The following FANCI variants were observed in gnomAD, a reference collection of about 807,000 sequenced individuals.
FANCI encodes FA complementation group I, also known as Fanconi anemia group I protein.
FANCI carries 156 observed loss-of-function variants against 176.1 expected under a neutral mutation model. That is an observed-to-expected ratio of 0.89 (90% CI 0.78 to 1.01). The LOEUF (loss-of-function observed/expected upper bound fraction) is 1.01, where lower values mean the gene tolerates loss of function less well. FANCI is among the 50% of genes least tolerant of loss of function. FANCI has a pLI of 0.00. For synonymous variants in FANCI, 613 were observed against 541.7 expected (o/e 1.13, Z -1.83); for missense variants, 1,678 against 1,534.1 (o/e 1.09, Z -1.57).
In FANCI at chr15:89,307,342, G is replaced by A. The variant is rs1235256303; in HGVS notation, c.3538-134G>A. ...TTGGAGGAGAGGAATAAGGAAGCTTGTGTCTTGGCTTCTCTGTGAATTTTG... is the reference window on the plus strand; with the variant it reads ...TTGGAGGAGAGGAATAAGGAAGCTTATGTCTTGGCTTCTCTGTGAATTTTG... On this transcript the variant is annotated intron_variant, in intron 32 of 37. Transcript: ENST00000310775. 3 of 806,854 alleles carry A rather than the reference G, an allele frequency of 3.7e-6. No individual in the cohort carries two copies. The East Asian group carries it at 8.0e-5, about 22-fold the overall frequency. The allele number at this position is 806,854 out of a possible 1,614,324, so 50.0% of individuals were successfully genotyped here. A position where few individuals can be genotyped will look rare whatever the true frequency, so the allele number is the denominator to read the frequency against.
chr15:89,247,803 A>T, intron 2 of FANCI, 72 bp downstream of exon 2: 2 of 1,320,384 alleles, frequency 1.5e-6, no homozygotes, highest in Non-Finnish European at 2.2e-6. Flanking sequence ...GACATGTGAG[A>T]AAGAAAAATT....
At chr15:89,254,180 A>C (rs1209658633) in intron 2 of FANCI, among the ~76,000 whole-genome samples, 1 of 152,166 alleles carries the variant, frequency 6.6e-6, no homozygotes, top group Non-Finnish European at 1.5e-5. Flanking sequence ...CAACGTGGTC[A>C]AATCCTGTCT....
At chr15:89,298,196 C>G (rs552546705) in intron 24 of FANCI, among the ~76,000 whole-genome samples, 18 of 152,030 alleles carry the variant, frequency 1.2e-4, no homozygotes, top group Non-Finnish European at 2.4e-4. Flanking sequence ...TCCACAGCAC[C>G]TTCAAAATAC....
intron 2 of FANCI, among the ~76,000 whole-genome samples, chr15:89,254,366 C>T (rs1289305184): frequency 6.6e-6 from 1 of 152,140 alleles, no homozygotes; most frequent in Non-Finnish European, 1.5e-5. Flanking sequence ...CCTGGAACAT[C>T]TTGCTATACC....
intron 2 of FANCI, among the ~76,000 whole-genome samples, chr15:89,256,851 A>G (rs888730494): frequency 6.6e-6 from 1 of 152,176 alleles, no homozygotes; most frequent in African/African-American, 2.4e-5. Flanking sequence ...TGGTGCCACT[A>G]TCCACCAGCT....
At chr15:89,249,670 T>C (rs1032956118) in intron 2 of FANCI, among the ~76,000 whole-genome samples, 8 of 152,016 alleles carry the variant, frequency 5.3e-5, no homozygotes, top group African/African-American at 1.9e-4. Context: ...TATTTGAAGA[T>C]GTAAATGAAG....
intron 24 of FANCI, among the ~76,000 whole-genome samples, 155 bp from the exon 25 acceptor site, chr15:89,299,645 G>T (rs918509813): frequency 6.6e-6 from 1 of 152,188 alleles, no homozygotes; most frequent in Non-Finnish European, 1.5e-5. Flanking sequence ...AACTTTTAGA[G>T]TGATAGAAAT....
rs893534187 is a variant in FANCI at position 89,270,466 on chromosome 15, T to G, written c.882+1941T>G. 3.9e-5 allele frequency among the ~76,000 whole-genome samples: 6 copies of G among 152,352 alleles called. No individual in the cohort carries two copies. In the South Asian group the frequency reaches 8.3e-4, roughly 21 times the overall value. On this transcript the variant is annotated intron_variant, in intron 10 of 37. Coordinates refer to ENST00000310775, the MANE Select transcript of FANCI (RefSeq NM_001113378.2). ...CGTTTTCCCATCTATTGATGATTCT[T>G]GGCCTAAATCAGTAATTATACCAGG...
Position 89,247,614 on chromosome 15 carries a change from G to C in FANCI, c.-19-15G>C. 6.3e-7 allele frequency: 1 copy of C among 1,584,548 alleles called. No homozygotes were observed. ...TCTGGAATCTTCACCCACCTCTGAC[G>C]TTTTTCCCTTGTAGTTCTGTGATAT... On this transcript the variant is annotated splice_polypyrimidine_tract_variant and intron_variant, in intron 1 of 37. Coordinates refer to ENST00000310775, the MANE Select transcript of FANCI (RefSeq NM_001113378.2).
At position 89,312,978 on chromosome 15, in the gene FANCI, C is replaced by G. The variant is rs768064440; in HGVS notation, c.3720+6C>G. 1.2e-5 allele frequency: 20 copies of G among 1,613,556 alleles called. No individual in the cohort carries two copies. The highest frequency in any genetic ancestry group is 1.7e-5 in the Non-Finnish European group (20 of 1,179,624). On this transcript the variant is annotated splice_donor_region_variant and intron_variant, in intron 35 of 37. Transcript: ENST00000310775. Reference sequence around the variant, plus strand: ...CTGCCGTTGCCACAGCCATGGTAAGCTGCTGACACTGACCGTTAAAATATG... The same window carrying G: ...CTGCCGTTGCCACAGCCATGGTAAGGTGCTGACACTGACCGTTAAAATATG...
rs201478943 is a variant in FANCI at position 89,263,370 on chromosome 15, T to C, written c.504-49T>C. The stretch of plus-strand genomic sequence containing the variant: ...TGTCCTCATTAATTTTACAAAGTTA[T>C]ATCTAAATAAGTTGTAAAGAAATAA... On this transcript the variant is annotated intron_variant, in intron 6 of 37. Coordinates refer to ENST00000310775, the MANE Select transcript of FANCI (RefSeq NM_001113378.2). The C allele has an allele frequency of 3.9e-3, 5,921 of 1,527,048 alleles. 22 individuals carry two copies. The highest frequency in any genetic ancestry group is 4.8e-3 in the Non-Finnish European group (5,342 of 1,101,746). The allele number at this position is 1,527,048 out of a possible 1,614,324, so 94.6% of individuals were successfully genotyped here.
intron 12 of FANCI, among the ~76,000 whole-genome samples, chr15:89,275,792 G>A (rs1395470072): frequency 1.3e-5 from 2 of 152,202 alleles, no homozygotes; most frequent in African/African-American, 4.8e-5. Flanking sequence ...GGACTTGAAA[G>A]CATCTCCATG....
At chr15:89,300,931 T>C (rs1232402780) in intron 26 of FANCI, among the ~76,000 whole-genome samples, 1 of 152,216 alleles carries the variant, frequency 6.6e-6, no homozygotes, top group Non-Finnish European at 1.5e-5. Flanking sequence ...AGAAAGACAC[T>C]GACAAATAAT....
In FANCI at chr15:89,291,624, C is replaced by G; in HGVS notation, c.1902C>G (p.Phe634Leu). 1 of 1,613,486 alleles carries G rather than the reference C, an allele frequency of 6.2e-7. No individual in the cohort carries two copies. The highest frequency in any genetic ancestry group is 8.5e-7 in the Non-Finnish European group (1 of 1,179,634). ...CTTACTATACACAGTTAAAACAGTT[C>G]TATGAGCCAAAACCTGATCTGCTGC... The part of the protein sequence containing the change: ...MQTLLSQLKQ[F>L]YEPKPDLLPP... Residue 634 changes from phenylalanine to leucine, a missense_variant, in exon 20 of 38, where the codon TTC (phenylalanine) becomes TTG (leucine). Phe to Leu is a conservative substitution (Grantham distance 22). Transcript: ENST00000310775.
intron 18 of FANCI, among the ~76,000 whole-genome samples, chr15:89,287,706 T>TA (rs924510980): frequency 2.6e-5 from 4 of 152,216 alleles, no homozygotes; most frequent in African/African-American, 9.6e-5. Flanking sequence ...CTTGAATACT[T>TA]ATAGGTCATT....
rs2151558518 is a variant in FANCI at position 89,281,774 on chromosome 15, A to C, written c.1522A>C (p.Lys508Gln). The change falls in exon 16 of 38, where the codon AAA becomes CAA. Residue 508 changes from lysine (K) to glutamine (Q), a missense_variant. By Grantham distance (53) the Lys-to-Gln change is moderately conservative. Transcript: ENST00000310775. ...ACTGATTCTTTTTCAGCCCCTTCTC[A>C]AAGTCAGCATGTCAATGAGAGACTG... is the stretch of plus-strand genomic sequence containing the variant. ...RLLKAVQPLL[K>Q]VSMSMRDCLI... 1 of 1,613,802 alleles carries C rather than the reference A, an allele frequency of 6.2e-7. No homozygotes were observed. Among genetic ancestry groups the C allele is most frequent in the East Asian group, 2.2e-5 (1 of 44,868 alleles).
chr15:89,298,727 GAC>G (rs2054410119), intron 24 of FANCI, among the ~76,000 whole-genome samples: 1 of 152,104 alleles, frequency 6.6e-6, no homozygotes, highest in South Asian at 2.1e-4. Context: ...GAAAAGAGAA[GAC>G]ACATTACAAA....
At chr15:89,246,857 C>T (rs2052006342) in intron 1 of FANCI, among the ~76,000 whole-genome samples, 1 of 148,954 alleles carries the variant, frequency 6.7e-6, no homozygotes, top group Admixed American at 6.7e-5. Flanking sequence ...GCTCCTCCTC[C>T]CGGGTTCACG....
chr15:89,285,002 C>G (rs2053760434), intron 17 of FANCI, 94 bp from the exon 18 acceptor site: 1 of 1,539,136 alleles, frequency 6.5e-7, no homozygotes, highest in Admixed American at 1.7e-5. Flanking sequence ...GTGGAGGAAG[C>G]TAAGTTTTTT....
Sources: allele counts gnomAD v4.1 joint callset (sites outside exome capture counted in the v4.1 genomes callset), GRCh38; gene constraint gnomAD v4.1.1; transcripts MANE v1.5; gene names NCBI Gene and HGNC (gene_info 2026-07-23, HGNC 2026-07-21).